The following ITGAL variants were observed in gnomAD, a reference collection of about 807,000 sequenced individuals.
ITGAL encodes the protein integrin alpha-L.
Under a neutral mutation model 138.4 loss-of-function variants are expected in ITGAL, and 68 were observed. The ratio of observed to expected loss-of-function variants is 0.49; its 90% confidence interval spans 0.40 to 0.60. The LOEUF is 0.60. ITGAL is among the 20% of genes least tolerant of loss of function. The probability of loss-of-function intolerance (pLI) is 0.00; values close to 1 mark genes in which losing one functional copy is unlikely to be tolerated. For synonymous variants in ITGAL, 561 were observed against 584.3 expected (o/e 0.96, Z 0.57); for missense variants, 1,256 against 1,478.6 (o/e 0.85, Z 2.47).
rs1176111671 is a variant in ITGAL at position 30,522,351 on chromosome 16, C to G, written c.*686C>G. On this transcript the variant is annotated 3_prime_UTR_variant, in exon 31 of 31. Transcript: ENST00000356798. This position sits in a 1 kb window ranked among gnomAD's most constrained non-coding sequence, Gnocchi z 4.0. ...TGCCTGAACCTTCCATCTCGCCACC[C>G]CTCCTTCCTTGACCAGCAGATCCCA... The G allele has an allele frequency of 6.5e-6, 1 of 152,838 alleles. No homozygotes were observed. Among genetic ancestry groups the G allele is most frequent in the Non-Finnish European group, 1.5e-5 (1 of 68,384 alleles). 9.5% of individuals were successfully genotyped at this position (152,838 alleles called of 1,614,324 possible). A position where few individuals can be genotyped will look rare whatever the true frequency, so the allele number is the denominator to read the frequency against.
chr16:30,515,297 C>A (rs1470091532), intron 25 of ITGAL, among the ~76,000 whole-genome samples: 2 of 152,168 alleles, frequency 1.3e-5, no homozygotes, highest in African/African-American at 4.8e-5. Context: ...GTCTGGTTGT[C>A]TGTGTCCTTT....
rs1255112716 is a variant in ITGAL, at chr16:30,495,630, G to A, written c.1504-467G>A. Among the ~76,000 whole-genome samples the A allele has an allele frequency of 3.3e-5, 5 of 152,042 alleles. No individual in the cohort carries two copies. In the East Asian group the frequency reaches 9.6e-4, roughly 29 times the overall value. ...TGATTGCTTGAAGCCAGGAGTTCAA[G>A]ACCAGCCTGGGCAACATGACAAGAC... On this transcript the variant is annotated intron_variant, in intron 13 of 30. Transcript: ENST00000356798.
At position 30,510,487 on chromosome 16, in the gene ITGAL, C is replaced by T; in HGVS notation, c.2619+16C>T. The T allele has an allele frequency of 6.9e-7, 1 of 1,459,380 alleles. No individual in the cohort carries two copies. Among genetic ancestry groups the T allele is most frequent in the Non-Finnish European group, 9.6e-7 (1 of 1,038,848 alleles). The allele number at this position is 1,459,380 out of a possible 1,614,324, so 90.4% of individuals were successfully genotyped here. On this transcript the variant is annotated intron_variant, in intron 22 of 30. Transcript: ENST00000356798. ...AGGCCACTCGGTGAGTGCTTCAAGT[C>T]TCCAGGGACCAAGCAGCCTAGGGGC...
chr16:30,476,630 C>T (rs987383591), intron 4 of ITGAL, among the ~76,000 whole-genome samples: 1 of 146,436 alleles, frequency 6.8e-6, no homozygotes, highest in East Asian at 2.0e-4. Flanking sequence ...TTAGGAAACA[C>T]TGCTTTTTTT....
intron 29 of ITGAL, 42 bp downstream of exon 29, chr16:30,518,761 G>C: frequency 6.8e-7 from 1 of 1,471,106 alleles, no homozygotes; most frequent in Non-Finnish European, 9.5e-7. Context: ...AGGCAACAGA[G>C]GGAGCCCAGG....
At chr16:30,475,230 T>C in intron 2 of ITGAL, 76 bp from the exon 3 acceptor site, 1 of 1,039,160 alleles carries the variant, frequency 9.6e-7, no homozygotes. Context: ...ACAGGAGATC[T>C]GAACCTCCTT....
chr16:30,476,005 A>C (rs556334222), intron 4 of ITGAL, among the ~76,000 whole-genome samples: 2 of 152,000 alleles, frequency 1.3e-5, no homozygotes, highest in South Asian at 4.2e-4. Flanking sequence ...TAATCCCAGC[A>C]CTTGGGAGGC....
At chr16:30,487,805 C>A (rs1015657860) in intron 9 of ITGAL, among the ~76,000 whole-genome samples, 2 of 151,692 alleles carry the variant, frequency 1.3e-5, no homozygotes, top group African/African-American at 2.4e-5. Context: ...TGTTTTTGAG[C>A]CTCCCAGCCT....
In ITGAL at chr16:30,521,719, C is replaced by G; in HGVS notation, c.*54C>G. 6.4e-7 allele frequency: 1 copy of G among 1,553,840 alleles called. No individual in the cohort carries two copies. Among genetic ancestry groups the G allele is most frequent in the East Asian group, 2.3e-5 (1 of 43,990 alleles). Reference sequence around the variant, plus strand: ...AGAACTGGACTCAGGATGCCCAGGGCCACTCTGCCTCTGCCTGCATTCTGC... The same window carrying G: ...AGAACTGGACTCAGGATGCCCAGGGGCACTCTGCCTCTGCCTGCATTCTGC... On this transcript the variant is annotated 3_prime_UTR_variant, in exon 31 of 31. Transcript: ENST00000356798.
chr16:30,489,804 C>T (rs1350294750), intron 11 of ITGAL, among the ~76,000 whole-genome samples: 9 of 151,924 alleles, frequency 5.9e-5, no homozygotes, highest in African/African-American at 2.2e-4. Flanking sequence ...GGCATGGTGG[C>T]GCATGCCTGT....
Position 30,472,843 on chromosome 16 carries a change from G to A in ITGAL, c.6G>A (p.Lys2=). The change falls in exon 1 of 31, where the codon AAG becomes AAA. Residue 2 remains lysine (K), a synonymous_variant. Transcript: ENST00000356798. ...GTCCCTCGAGTGCTGGAAGGATGAA[G>A]GATTCCTGCATCACTGTGATGGCCA... The part of the protein sequence containing the change: M[K]DSCITVMAMA... 1 of 1,612,792 alleles carries A rather than the reference G, an allele frequency of 6.2e-7. No individual in the cohort carries two copies. The highest frequency in any genetic ancestry group is 1.1e-5 in the South Asian group (1 of 90,456).
chr16:30,481,101 A>G, intron 6 of ITGAL: 1 of 257,076 alleles, frequency 3.9e-6, no homozygotes, highest in South Asian at 4.1e-5. Context: ...GAGGAGTTCG[A>G]GACCAGCCTG....
chr16:30,475,336 C>T lies in ITGAL; in HGVS notation c.195C>T (p.Asn65=). Residue 65 remains asparagine (N), a synonymous_variant, in exon 3 of 31, where the codon AAC becomes AAT. Transcript: ENST00000356798. ...TCGTGGGAGCTCCAGGGGAGGGGAACAGCACAGGAAGCCTCTATCAGTGCC... is the reference window on the plus strand; with the variant it reads ...TCGTGGGAGCTCCAGGGGAGGGGAATAGCACAGGAAGCCTCTATCAGTGCC... ...GVIVGAPGEG[N]STGSLYQCQS... The T allele has an allele frequency of 6.2e-7, 1 of 1,613,752 alleles. No individual in the cohort carries two copies. The highest frequency in any genetic ancestry group is 8.5e-7 in the Non-Finnish European group (1 of 1,179,806).
chr16:30,475,508 T>C lies in ITGAL; in HGVS notation c.260-5T>C. The C allele has an allele frequency of 6.2e-7, 1 of 1,613,438 alleles. No homozygotes were observed. Among genetic ancestry groups the C allele is most frequent in the Non-Finnish European group, 8.5e-7 (1 of 1,179,426 alleles). ...TCCTCCAGACCAACCTTCTGGTGCC[T>C]ACAGGTTCCAACTATACCTCCAAGT... On this transcript the variant is annotated splice_region_variant and splice_polypyrimidine_tract_variant and intron_variant, in intron 3 of 30. Coordinates refer to ENST00000356798, the MANE Select transcript of ITGAL (RefSeq NM_002209.3).
intron 22 of ITGAL, 32 bp downstream of exon 22, chr16:30,510,503 G>A: frequency 7.8e-7 from 1 of 1,289,254 alleles, no homozygotes; most frequent in Middle Eastern, 1.8e-4. Flanking sequence ...GGACCAAGCA[G>A]CCTAGGGGCC....
chr16:30,497,197 G>T (rs2050813819), intron 15 of ITGAL, among the ~76,000 whole-genome samples: 1 of 151,868 alleles, frequency 6.6e-6, no homozygotes, highest in African/African-American at 2.4e-5. Context: ...ACAAAAATTA[G>T]CCAGGCGTGG....
rs370903267 is a variant in ITGAL at position 30,472,825 on chromosome 16, G to A, written c.-13G>A. 5.0e-6 allele frequency: 8 copies of A among 1,611,790 alleles called. No individual in the cohort carries two copies. The highest frequency in any genetic ancestry group is 5.9e-6 in the Non-Finnish European group (7 of 1,179,416). The stretch of plus-strand genomic sequence containing the variant: ...CTGCCCCTGGGGCCACAGGTCCCTC[G>A]AGTGCTGGAAGGATGAAGGATTCCT... On this transcript the variant is annotated 5_prime_UTR_variant, in exon 1 of 31. Coordinates refer to ENST00000356798, the MANE Select transcript of ITGAL (RefSeq NM_002209.3).
At chr16:30,489,567 G>A (rs560509415) in intron 11 of ITGAL, among the ~76,000 whole-genome samples, 181 bp downstream of exon 11, 1 of 152,152 alleles carries the variant, frequency 6.6e-6, no homozygotes, top group African/African-American at 2.4e-5. Flanking sequence ...GACATCTTGG[G>A]GCCGTGCTAA....
In ITGAL at chr16:30,494,195, C is replaced by A. The variant is rs746249143; in HGVS notation, c.1214-17C>A. ...CATCCTGTGTTCCTAACTCCACACC[C>A]CACACACTTTCCTCAGGTTACACCG... On this transcript the variant is annotated splice_polypyrimidine_tract_variant and intron_variant, in intron 11 of 30. Transcript: ENST00000356798. The surrounding 1 kb of genome is among the most constrained non-coding windows in gnomAD (Gnocchi z 4.2). The A allele has an allele frequency of 3.2e-6, 5 of 1,582,570 alleles. No individual in the cohort carries two copies. The South Asian group carries it at 5.7e-5, about 18-fold the overall frequency.
Sources: allele counts gnomAD v4.1 joint callset (sites outside exome capture counted in the v4.1 genomes callset), GRCh38; gene constraint gnomAD v4.1.1; non-coding constraint Gnocchi (gnomAD v3.1); transcripts MANE v1.5; gene names NCBI Gene and HGNC (gene_info 2026-07-23, HGNC 2026-07-21).